PRSS12: variants seen among roughly 807,000 people sequenced by gnomAD.
PRSS12 encodes serine protease 12.
PRSS12 carries 85 observed loss-of-function variants against 104.4 expected under a neutral mutation model. That is an observed-to-expected ratio of 0.81 (90% CI 0.68 to 0.98). The LOEUF (loss-of-function observed/expected upper bound fraction) is 0.98, where lower values mean the gene tolerates loss of function less well. Among genes scored for constraint, PRSS12 ranks in the 50% least tolerant of loss-of-function variants. The pLI is 0.00. For missense variants in PRSS12, 1,141 were observed against 1,139.2 expected (o/e 1.00, Z -0.02); for synonymous variants, 454 against 425.2 (o/e 1.07, Z -0.83).
chr4:118,324,908 A>C (rs1334130468), intron 4 of PRSS12, among the ~76,000 whole-genome samples: 1 of 151,822 alleles, frequency 6.6e-6, no homozygotes, highest in Non-Finnish European at 1.5e-5. Context: ...GACAGGTTTC[A>C]CCATGTTGGT....
chr4:118,296,339 T>C (rs1743254113), intron 9 of PRSS12, among the ~76,000 whole-genome samples: 1 of 152,214 alleles, frequency 6.6e-6, no homozygotes, highest in Admixed American at 6.5e-5. Flanking sequence ...AATTTACATT[T>C]ACTTAGCATG....
chr4:118,337,262 C>T (rs1187953929), intron 2 of PRSS12, among the ~76,000 whole-genome samples: 1 of 152,004 alleles, frequency 6.6e-6, no homozygotes, highest in African/African-American at 2.4e-5. Flanking sequence ...GTCTTTTAGA[C>T]TGTATTTTTT....
At chr4:118,292,876 A>C (rs933708235) in intron 11 of PRSS12, among the ~76,000 whole-genome samples, 1 of 152,052 alleles carries the variant, frequency 6.6e-6, no homozygotes, top group African/African-American at 2.4e-5. Flanking sequence ...TTAGCCAGGC[A>C]TGGTGACGCA....
At chr4:118,296,130 T>C (rs1743249954) in intron 9 of PRSS12, among the ~76,000 whole-genome samples, 1 of 152,228 alleles carries the variant, frequency 6.6e-6, no homozygotes, top group Non-Finnish European at 1.5e-5. Context: ...TTTATCCTGG[T>C]AGGTACCTAT....
intron 11 of PRSS12, 122 bp from the exon 12 acceptor site, chr4:118,283,233 C>T: frequency 8.0e-7 from 1 of 1,244,544 alleles, no homozygotes; most frequent in Non-Finnish European, 1.2e-6. Context: ...GTAAATTCAA[C>T]CTTTCTTTCC....
At chr4:118,322,279 G>A (rs1012547916) in intron 4 of PRSS12, among the ~76,000 whole-genome samples, 13 of 152,154 alleles carry the variant, frequency 8.5e-5, no homozygotes, top group African/African-American at 2.9e-4. Flanking sequence ...GCTGGGCGCC[G>A]TGGCTCACAG....
chr4:118,340,379 A>C (rs1340433341), intron 1 of PRSS12, among the ~76,000 whole-genome samples: 1 of 152,176 alleles, frequency 6.6e-6, no homozygotes, highest in Non-Finnish European at 1.5e-5. Flanking sequence ...TCAATGACTA[A>C]TGAATTCTAT....
rs559605488 is a variant in PRSS12 at position 118,352,730 on chromosome 4, G to A, written c.-10C>T. On this transcript the variant is annotated 5_prime_UTR_variant, in exon 1 of 13. Coordinates refer to ENST00000296498, the MANE Select transcript of PRSS12 (RefSeq NM_003619.4). ...AGCGGGCGAGCGTCATGGTGCCAGC[G>A]CTGCGGGGTCTGGTCCATGCTCCCC... 497 of 1,612,430 alleles carry A rather than the reference G, an allele frequency of 3.1e-4. 5 individuals carry two copies. In the South Asian group the frequency reaches 5.0e-3, roughly 16 times the overall value.
intron 9 of PRSS12, 141 bp from the exon 10 acceptor site, chr4:118,295,997 A>T: frequency 1.3e-6 from 1 of 766,854 alleles, no homozygotes; most frequent in South Asian, 1.6e-5. Flanking sequence ...TTGTAACAAA[A>T]ATAGTTTTCT....
At chr4:118,322,821 G>C (rs1723669617) in intron 4 of PRSS12, among the ~76,000 whole-genome samples, 1 of 151,826 alleles carries the variant, frequency 6.6e-6, no homozygotes. Flanking sequence ...CTAGAGGAGA[G>C]GTCAGCAAAA....
intron 1 of PRSS12, among the ~76,000 whole-genome samples, chr4:118,349,947 G>A (rs1230380793): frequency 6.6e-6 from 1 of 152,116 alleles, no homozygotes; most frequent in African/African-American, 2.4e-5. Context: ...AGGTTGCAGT[G>A]AGCTGAGATT....
chr4:118,296,774 T>TACC (rs1331675718), intron 9 of PRSS12, among the ~76,000 whole-genome samples: 13 of 152,176 alleles, frequency 8.5e-5, no homozygotes, highest in Admixed American at 4.6e-4. Context: ...CAACAATGTG[T>TACC]ACCAAGATGA....
chr4:118,282,052 A>G lies in PRSS12; in HGVS notation c.2512T>C (p.Trp838Arg). 1 of 1,614,154 alleles carries G rather than the reference A, an allele frequency of 6.2e-7. No homozygotes were observed. Among genetic ancestry groups the G allele is most frequent in the Non-Finnish European group, 8.5e-7 (1 of 1,180,032 alleles). ...CAGGAGGTCACCCCATACACCACCC[A>G]GCTCTCTCCGGGCCGTTCACACATG... ...PLMCERPGESWVVYGVTSWGY... is the reference protein window; with the variant it reads ...PLMCERPGESRVVYGVTSWGY... The change falls in exon 13 of 13, where the codon TGG becomes CGG. Residue 838 changes from tryptophan (W) to arginine (R), a missense_variant. Transcript: ENST00000296498.
chr4:118,352,592 G>A lies in PRSS12; in HGVS notation c.129C>T (p.Tyr43=), dbSNP rs370717747. 3 of 1,603,894 alleles carry A rather than the reference G, an allele frequency of 1.9e-6. No individual in the cohort carries two copies. The highest frequency in any genetic ancestry group is 1.3e-5 in the African/African-American group (1 of 74,784). ...HRHSPPAGPH[Y]PYYLPTQQRP... is the part of the protein sequence containing the mutation. ...GCTGCTGGGTGGGAAGGTAATAGGG[G>A]TAGTGCGGACCCGCAGGGGGCGAAT... The change falls in exon 1 of 13, where the codon TAC becomes TAT. Residue 43 remains tyrosine, a synonymous_variant. Transcript: ENST00000296498.
At chr4:118,337,124 C>A (rs905496614) in intron 2 of PRSS12, among the ~76,000 whole-genome samples, 15 of 152,140 alleles carry the variant, frequency 9.9e-5, no homozygotes. Context: ...AATACTCATT[C>A]CTCAGCTTCC....
In PRSS12 at chr4:118,316,837, A is replaced by AAAAATATATATATATATAT. The variant is rs35698159; in HGVS notation, c.1151-515_1151-514insATATATATATATATATTTT. 3.1e-3 allele frequency among the ~76,000 whole-genome samples: 312 copies of AAAAATATATATATATATAT among 99,054 alleles called. 1 individual carries two copies. The highest frequency in any genetic ancestry group is 4.4e-3 in the Non-Finnish European group (216 of 49,182). The allele number at this position is 99,054 out of a possible 152,430, so 65.0% of individuals were successfully genotyped here. A position where few individuals can be genotyped will look rare whatever the true frequency, so the allele number is the denominator to read the frequency against. ...ACTCCGTCTCACGGAAAAAAAAAAA[A>AAAAATATATATATATATAT]ATATATATATATATATATATCTTTC... On this transcript the variant is annotated intron_variant, in intron 5 of 12. Coordinates refer to ENST00000296498, the MANE Select transcript of PRSS12 (RefSeq NM_003619.4).
At position 118,304,410 on chromosome 4, in the gene PRSS12, T is replaced by C. The variant is rs182547492; in HGVS notation, c.1631+4026A>G. 9.9e-4 allele frequency among the ~76,000 whole-genome samples: 150 copies of C among 152,126 alleles called. 1 individual carries two copies. The highest frequency in any genetic ancestry group is 1.9e-3 in the Non-Finnish European group (131 of 67,860). ...GATATAATTAAGAGTGGTATAACTG[T>C]TTTATATTCAAATGTCATACAAATA... On this transcript the variant is annotated intron_variant, in intron 8 of 12. Coordinates refer to ENST00000296498, the MANE Select transcript of PRSS12 (RefSeq NM_003619.4).
At chr4:118,327,853 G>T (rs1238427095) in intron 4 of PRSS12, among the ~76,000 whole-genome samples, 2 of 152,156 alleles carry the variant, frequency 1.3e-5, no homozygotes. Context: ...AGTATCTTAA[G>T]TATAATAATT....
At chr4:118,334,670 G>A (rs1324885135) in intron 3 of PRSS12, among the ~76,000 whole-genome samples, 1 of 152,116 alleles carries the variant, frequency 6.6e-6, no homozygotes, top group Non-Finnish European at 1.5e-5. Flanking sequence ...CTGTTTTGTG[G>A]TAGGAGCTTC....
Sources: allele counts gnomAD v4.1 joint callset (sites outside exome capture counted in the v4.1 genomes callset), GRCh38; gene constraint gnomAD v4.1.1; transcripts MANE v1.5; gene names NCBI Gene and HGNC (gene_info 2026-07-23, HGNC 2026-07-21).